NRXN1: variants seen among roughly 807,000 people sequenced by gnomAD.
NRXN1 encodes neurexin-1.
NRXN1 carries 39 observed loss-of-function variants against 150.9 expected under a neutral mutation model. The observed-to-expected ratio is 0.26, with a 90% CI of 0.20 to 0.34. The LOEUF is 0.34. NRXN1 is among the 10% of genes least tolerant of loss of function. The pLI, the probability that NRXN1 is intolerant of heterozygous loss-of-function variation, is 1.00. For synonymous variants in NRXN1, 924 were observed against 757.0 expected (o/e 1.22, Z -3.62); for missense variants, 1,815 against 1,949.9 (o/e 0.93, Z 1.30).
At chr2:49,955,735 G>T (rs1424678899) in intron 21 of NRXN1, among the ~76,000 whole-genome samples, 1 of 151,586 alleles carries the variant, frequency 6.6e-6, no homozygotes, top group Non-Finnish European at 1.5e-5. Context: ...CTATTCCTTT[G>T]TAATGTTTTC....
intron 17 of NRXN1, among the ~76,000 whole-genome samples, chr2:50,447,739 AT>A (rs1558748219): frequency 6.0e-5 from 1 of 16,546 alleles, no homozygotes; most frequent in Non-Finnish European, 1.0e-4. Context: ...GGGGAACGTT[AT>A]ATATATATAT....
At chr2:50,309,738 T>C (rs548493560) in intron 17 of NRXN1, among the ~76,000 whole-genome samples, 1 of 152,304 alleles carries the variant, frequency 6.6e-6, no homozygotes, top group African/African-American at 2.4e-5. Flanking sequence ...CCTTGCCAGC[T>C]GCCTCCTAGG....
chr2:49,944,568 G>A lies in NRXN1; in HGVS notation c.4129-777C>T, dbSNP rs1273618360. On this transcript the variant is annotated intron_variant, in intron 21 of 22. Transcript: ENST00000401669. ...ACCTATCTCTGTAATAAAAAGCAGAGTCCATAAATCCTAGCAGTTAGTCAC... is the reference window on the plus strand; with the variant it reads ...ACCTATCTCTGTAATAAAAAGCAGAATCCATAAATCCTAGCAGTTAGTCAC... Among the ~76,000 whole-genome samples, 8 of 152,278 alleles carry A rather than the reference G, an allele frequency of 5.3e-5. No individual in the cohort carries two copies. The East Asian group carries it at 1.5e-3, about 29-fold the overall frequency.
At chr2:50,144,988 C>A (rs980413570) in intron 18 of NRXN1, among the ~76,000 whole-genome samples, 1 of 151,702 alleles carries the variant, frequency 6.6e-6, no homozygotes, top group Non-Finnish European at 1.5e-5. Flanking sequence ...TAAACTATAT[C>A]ATTCCTGAAA....
chr2:49,922,615 T>G (rs1668423902), intron 22 of NRXN1, among the ~76,000 whole-genome samples: 2 of 152,096 alleles, frequency 1.3e-5, no homozygotes, highest in African/African-American at 4.8e-5. Context: ...CCTATAATAC[T>G]AGAGGGAATC....
At chr2:49,953,826 G>A (rs764466344) in intron 21 of NRXN1, among the ~76,000 whole-genome samples, 14 of 151,868 alleles carry the variant, frequency 9.2e-5, no homozygotes, top group African/African-American at 2.7e-4. Flanking sequence ...TGGACACCGG[G>A]AGGGCAACAT....
At chr2:50,024,004 A>G (rs924178745) in intron 21 of NRXN1, 4 of 152,120 alleles carry the variant, frequency 2.6e-5, no homozygotes, top group African/African-American at 9.7e-5. Context: ...TATTTTACAG[A>G]TGAAGTTGGA....
At chr2:50,965,783 T>C (rs1367783607) in intron 2 of NRXN1, among the ~76,000 whole-genome samples, 2 of 151,606 alleles carry the variant, frequency 1.3e-5, no homozygotes, top group African/African-American at 4.8e-5. Flanking sequence ...GAAAACATTA[T>C]ACTATTTTAA....
chr2:49,947,990 G>A (rs762594504), intron 21 of NRXN1, among the ~76,000 whole-genome samples: 26 of 151,690 alleles, frequency 1.7e-4, no homozygotes, highest in Admixed American at 4.6e-4. Context: ...ATATTAAACC[G>A]AAACTTGTAC....
At chr2:50,718,979 T>C (rs917990300) in intron 5 of NRXN1, among the ~76,000 whole-genome samples, 18 of 150,568 alleles carry the variant, frequency 1.2e-4, no homozygotes, top group Admixed American at 1.1e-3. Context: ...AACTAATATA[T>C]AAAAGTAAAT....
intron 5 of NRXN1, among the ~76,000 whole-genome samples, chr2:50,721,449 G>T (rs1357595908): frequency 6.6e-6 from 1 of 152,176 alleles, no homozygotes; most frequent in Non-Finnish European, 1.5e-5. Context: ...TTCCTCTGAG[G>T]TGCAGTAACC....
rs544922499 is a variant in NRXN1, at chr2:50,174,411, C to T, written c.3546+62378G>A. On this transcript the variant is annotated intron_variant, in intron 18 of 22. Transcript: ENST00000401669. ...CCATGTAAAGCATTTGTATCAAATT[C>T]AACATATTTATTAATATTACTATTG... Among the ~76,000 whole-genome samples the T allele has an allele frequency of 1.1e-4, 16 of 152,110 alleles. No homozygotes were observed. In the South Asian group the frequency reaches 2.9e-3, roughly 28 times the overall value.
At chr2:50,607,672 C>G (rs904281819) in intron 8 of NRXN1, among the ~76,000 whole-genome samples, 4 of 151,296 alleles carry the variant, frequency 2.6e-5, no homozygotes, top group African/African-American at 7.3e-5. Flanking sequence ...CCAAAGTAAA[C>G]CTGCACACAG....
At chr2:50,717,225 G>A (rs1270010053) in intron 5 of NRXN1, among the ~76,000 whole-genome samples, 1 of 152,118 alleles carries the variant, frequency 6.6e-6, no homozygotes, top group Non-Finnish European at 1.5e-5. Context: ...TGGATTAAAT[G>A]ACATTTATTC....
intron 17 of NRXN1, among the ~76,000 whole-genome samples, chr2:50,393,303 C>T (rs1047405153): frequency 6.6e-6 from 1 of 152,056 alleles, no homozygotes; most frequent in East Asian, 1.9e-4. Context: ...AGAACTCAAT[C>T]GCCTCTTTAG....
At chr2:50,599,384 T>C (rs1675861745) in intron 8 of NRXN1, among the ~76,000 whole-genome samples, 1 of 152,180 alleles carries the variant, frequency 6.6e-6, no homozygotes, top group South Asian at 2.1e-4. Context: ...ACTGAAGTAA[T>C]AAAGAAATAT....
At chr2:50,312,794 A>G in intron 17 of NRXN1, 1 of 508,412 alleles carries the variant, frequency 2.0e-6, no homozygotes, top group Non-Finnish European at 3.9e-6. Context: ...AGCTAAAAAT[A>G]AACAAAAACA....
intron 17 of NRXN1, among the ~76,000 whole-genome samples, chr2:50,311,049 G>GTACA (rs1158029800): frequency 1.3e-5 from 2 of 152,068 alleles, no homozygotes; most frequent in African/African-American, 4.8e-5. Flanking sequence ...AGATAAGTAT[G>GTACA]TACATATACA....
At chr2:50,666,090 T>C (rs1283440850) in intron 5 of NRXN1, among the ~76,000 whole-genome samples, 1 of 151,964 alleles carries the variant, frequency 6.6e-6, no homozygotes, top group African/African-American at 2.4e-5. Flanking sequence ...CCAACATTTA[T>C]GTGTTTTCTG....
Sources: gnomAD v4.1 joint callset for allele counts (sites outside exome capture counted in the v4.1 genomes callset) on GRCh38, gnomAD v4.1.1 for gene constraint, MANE v1.5 for transcripts, NCBI Gene and HGNC (gene_info 2026-07-23, HGNC 2026-07-21) for gene names.